C8orf34: variants seen among roughly 807,000 people sequenced by gnomAD.
C8orf34 encodes uncharacterized protein C8orf34.
Under a neutral mutation model 68.3 loss-of-function variants are expected in C8orf34, and 65 were observed. The observed-to-expected ratio is 0.95, with a 90% CI of 0.78 to 1.17. The LOEUF (loss-of-function observed/expected upper bound fraction) is 1.17, where lower values mean the gene tolerates loss of function less well. C8orf34 is among the 50% of genes most tolerant of loss of function. The pLI is 0.00. For missense variants in C8orf34, 664 were observed against 655.4 expected, an observed-to-expected ratio of 1.01 and a Z score of -0.14; for synonymous variants, 244 against 241.2, an observed-to-expected ratio of 1.01 and a Z score of -0.11.
chr8:68,734,397 C>T lies in C8orf34; in HGVS notation c.1404+12960C>T, dbSNP rs541515170. Among the ~76,000 whole-genome samples the T allele has an allele frequency of 5.3e-5, 8 of 152,214 alleles. No individual in the cohort carries two copies. In the South Asian group the frequency reaches 1.7e-3, roughly 32 times the overall value. On this transcript the variant is annotated intron_variant, in intron 10 of 13. Transcript: ENST00000518698. The stretch of plus-strand genomic sequence containing the variant: ...CTGACACCTGTATGTTCCTGTGGCC[C>T]CACCACTTGAGGCCAAGTCAGTGAT...
chr8:68,605,959 TG>T (rs1212088460), intron 7 of C8orf34, among the ~76,000 whole-genome samples: 4 of 152,052 alleles, frequency 2.6e-5, no homozygotes, highest in African/African-American at 9.7e-5. Context: ...AGGTGGTGTG[TG>T]TGGGGGGCAG....
At chr8:68,745,822 TCAA>T (rs963082164) in intron 10 of C8orf34, among the ~76,000 whole-genome samples, 7 of 152,010 alleles carry the variant, frequency 4.6e-5, no homozygotes, top group African/African-American at 1.7e-4. Flanking sequence ...ATTAGACAGA[TCAA>T]CGAGACAGAA....
At chr8:68,761,804 G>T (rs2129528032) in intron 10 of C8orf34, among the ~76,000 whole-genome samples, 1 of 152,210 alleles carries the variant, frequency 6.6e-6, no homozygotes, top group East Asian at 1.9e-4. Context: ...CACCAAAGTT[G>T]TAGTCAGCTA....
At chr8:68,708,960 T>C in intron 8 of C8orf34, 34 bp from the exon 9 acceptor site, 1 of 1,459,150 alleles carries the variant, frequency 6.9e-7, no homozygotes, top group African/African-American at 1.4e-5. Flanking sequence ...TTTAACATTA[T>C]GAGATGTTTC....
At chr8:68,758,198 C>T (rs1330676465) in intron 10 of C8orf34, among the ~76,000 whole-genome samples, 1 of 152,216 alleles carries the variant, frequency 6.6e-6, no homozygotes, top group Non-Finnish European at 1.5e-5. Context: ...AGGATGCCCA[C>T]TGCTAGGACA....
At chr8:68,344,621 T>C (rs1806206319) in intron 1 of C8orf34, among the ~76,000 whole-genome samples, 1 of 152,156 alleles carries the variant, frequency 6.6e-6, no homozygotes, top group Non-Finnish European at 1.5e-5. Context: ...TACTTCAAAA[T>C]ATAAAGTTTA....
intron 8 of C8orf34, among the ~76,000 whole-genome samples, chr8:68,644,434 G>C (rs1048511683): frequency 1.3e-5 from 2 of 152,184 alleles, no homozygotes; most frequent in African/African-American, 4.8e-5. Context: ...TGATGGTAAT[G>C]ATGAAGTTCT....
chr8:68,613,443 T>TCCCCCCCCCC (rs141908753), intron 7 of C8orf34, among the ~76,000 whole-genome samples: 8 of 130,130 alleles, frequency 6.1e-5, no homozygotes, highest in African/African-American at 1.5e-4. Flanking sequence ...TCCCTCCCCC[T>TCCCCCCCCCC]CCCCCCACAC....
intron 2 of C8orf34, among the ~76,000 whole-genome samples, chr8:68,440,861 G>A (rs1477297732): frequency 6.6e-6 from 1 of 150,752 alleles, no homozygotes; most frequent in Non-Finnish European, 1.5e-5. Context: ...CTGGAGTGCA[G>A]TGGCCTGATC....
At chr8:68,778,150 T>A (rs998256310) in intron 11 of C8orf34, among the ~76,000 whole-genome samples, 1 of 152,212 alleles carries the variant, frequency 6.6e-6, no homozygotes, top group African/African-American at 2.4e-5. Flanking sequence ...CTCTTCTCCA[T>A]TGAGAACATG....
At chr8:68,688,160 CA>C (rs1165084178) in intron 8 of C8orf34, among the ~76,000 whole-genome samples, 8 of 152,028 alleles carry the variant, frequency 5.3e-5, no homozygotes, top group African/African-American at 1.9e-4. Context: ...GAAAAGGGAA[CA>C]GTTACACTGC....
chr8:68,485,599 C>T (rs1472949425), intron 4 of C8orf34, among the ~76,000 whole-genome samples: 1 of 151,834 alleles, frequency 6.6e-6, no homozygotes, highest in Non-Finnish European at 1.5e-5. Context: ...GTAATCCCAG[C>T]TACTCATGAG....
At chr8:68,539,848 C>G (rs957081405) in intron 7 of C8orf34, among the ~76,000 whole-genome samples, 1 of 149,834 alleles carries the variant, frequency 6.7e-6, no homozygotes, top group South Asian at 2.1e-4. Context: ...AGTGAAACTC[C>G]GTCTAAAAAA....
chr8:68,654,250 G>C (rs988297803), intron 8 of C8orf34, among the ~76,000 whole-genome samples: 5 of 152,110 alleles, frequency 3.3e-5, no homozygotes, highest in Admixed American at 2.6e-4. Context: ...CCTTGATTTA[G>C]ACTTCCCAGC....
At chr8:68,460,198 A>C (rs1389797663) in intron 3 of C8orf34, among the ~76,000 whole-genome samples, 1 of 152,196 alleles carries the variant, frequency 6.6e-6, no homozygotes, top group Non-Finnish European at 1.5e-5. Context: ...CTAGCACAGC[A>C]GTCTGAGATC....
intron 7 of C8orf34, among the ~76,000 whole-genome samples, chr8:68,562,701 T>G (rs1816469911): frequency 6.6e-6 from 1 of 152,202 alleles, no homozygotes; most frequent in Admixed American, 6.6e-5. Context: ...AAAAGCATTT[T>G]GGGCAAAATC....
intron 10 of C8orf34, among the ~76,000 whole-genome samples, chr8:68,735,091 C>T (rs1225688951): frequency 6.6e-6 from 1 of 152,160 alleles, no homozygotes; most frequent in Non-Finnish European, 1.5e-5. Flanking sequence ...AGGTAAGTAA[C>T]TACAGTTAAT....
At chr8:68,715,378 C>T (rs1236920387) in intron 9 of C8orf34, among the ~76,000 whole-genome samples, 3 of 151,882 alleles carry the variant, frequency 2.0e-5, no homozygotes, top group Non-Finnish European at 1.5e-5. Context: ...ATACTTATGA[C>T]AATGACTAAT....
intron 4 of C8orf34, among the ~76,000 whole-genome samples, chr8:68,476,571 T>A (rs1812626423): frequency 6.6e-6 from 1 of 152,222 alleles, no homozygotes. Flanking sequence ...TAGTCTGGTA[T>A]GAACTAAAAG....
Sources: allele counts gnomAD v4.1 joint callset (sites outside exome capture counted in the v4.1 genomes callset), GRCh38; gene constraint gnomAD v4.1.1; transcripts MANE v1.5; gene names NCBI Gene and HGNC (gene_info 2026-07-23, HGNC 2026-07-21).